Variants in HHAT observed in about 807,000 individuals in gnomAD.
HHAT encodes hedgehog acyltransferase, also known as protein-cysteine N-palmitoyltransferase HHAT.
A neutral mutation model predicts 70.8 loss-of-function variants in HHAT; 47 were observed. That is an observed-to-expected ratio of 0.66 (90% CI 0.53 to 0.85). HHAT has a LOEUF of 0.85. HHAT is among the 40% of genes least tolerant of loss of function. The pLI, the probability that HHAT is intolerant of heterozygous loss-of-function variation, is 0.00. For missense variants in HHAT, 609 were observed against 604.8 expected (o/e 1.01, Z -0.07); for synonymous variants, 228 against 247.6 (o/e 0.92, Z 0.74).
intron 7 of HHAT, among the ~76,000 whole-genome samples, chr1:210,427,639 G>A (rs1354525632): frequency 2.0e-5 from 3 of 152,082 alleles, no homozygotes; most frequent in African/African-American, 7.2e-5. Context: ...GCCTTGATTA[G>A]TAATTTGATA....
chr1:210,544,420 G>A (rs928334578), intron 9 of HHAT, among the ~76,000 whole-genome samples: 9 of 142,608 alleles, frequency 6.3e-5, no homozygotes, highest in African/African-American at 2.1e-4. Context: ...TTGCCCAAGC[G>A]GGAGTGCAAG....
In HHAT at chr1:210,588,054, TGG is replaced by T. The variant is rs1483051968; in HGVS notation, c.1201_1202del (p.Gly401SerfsTer50). The T allele has an allele frequency of 6.2e-7, 1 of 1,613,308 alleles. No individual in the cohort carries two copies. Among genetic ancestry groups the T allele is most frequent in the Non-Finnish European group, 8.5e-7 (1 of 1,179,782 alleles). On this transcript the variant is annotated frameshift_variant, in exon 10 of 12. Coordinates refer to ENST00000261458, the MANE Select transcript of HHAT (RefSeq NM_018194.6). LOFTEE classifies it high-confidence loss of function. ...LNWLGVTVEN[G>X]VRRLVETPCI... is the part of the protein sequence containing the mutation. ...ACTGGCTGGGAGTCACTGTGGAGAATGGAGTCCGGAGGCTGGTGGAGACTCCC... is the reference window on the plus strand; with the variant it reads ...ACTGGCTGGGAGTCACTGTGGAGAATAGTCCGGAGGCTGGTGGAGACTCCC...
chr1:210,572,941 T>C (rs897723419), intron 9 of HHAT, among the ~76,000 whole-genome samples: 1 of 152,122 alleles, frequency 6.6e-6, no homozygotes, highest in African/African-American at 2.4e-5. Flanking sequence ...CATTTTAATT[T>C]TGGTTAAAAG....
intron 10 of HHAT, among the ~76,000 whole-genome samples, chr1:210,592,791 T>C (rs1275851194): frequency 6.6e-6 from 1 of 152,126 alleles, no homozygotes; most frequent in Non-Finnish European, 1.5e-5. Flanking sequence ...TCATAGCTAT[T>C]ATAATTGGGA....
At chr1:210,583,214 C>T (rs910970829) in intron 9 of HHAT, among the ~76,000 whole-genome samples, 1 of 152,212 alleles carries the variant, frequency 6.6e-6, no homozygotes, top group Admixed American at 6.5e-5. Flanking sequence ...ATAGATTCCT[C>T]CTCCTGAGTT....
chr1:210,575,136 C>T (rs2490220), intron 9 of HHAT, among the ~76,000 whole-genome samples: 53,793 of 152,008 alleles, frequency 0.35, 10,838 homozygotes, highest in East Asian at 0.64. Flanking sequence ...GGCTCTTTCC[C>T]CTACCTCTTC....
At chr1:210,573,433 G>A (rs937955345) in intron 9 of HHAT, among the ~76,000 whole-genome samples, 4 of 152,130 alleles carry the variant, frequency 2.6e-5, no homozygotes, top group African/African-American at 9.7e-5. Flanking sequence ...GTTAACCCAA[G>A]TAATCCAGCA....
intron 10 of HHAT, among the ~76,000 whole-genome samples, chr1:210,620,746 T>C (rs1668654164): frequency 6.6e-6 from 1 of 152,212 alleles, no homozygotes; most frequent in South Asian, 2.1e-4. Context: ...TTAACATTCT[T>C]GCTTATTTAA....
At chr1:210,602,395 A>G (rs1226237075) in intron 10 of HHAT, among the ~76,000 whole-genome samples, 1 of 152,158 alleles carries the variant, frequency 6.6e-6, no homozygotes, top group Non-Finnish European at 1.5e-5. Context: ...CCAAGGCTTG[A>G]ATAGCACACT....
At chr1:210,620,706 C>A (rs184227582) in intron 10 of HHAT, among the ~76,000 whole-genome samples, 70 of 152,244 alleles carry the variant, frequency 4.6e-4, no homozygotes, top group African/African-American at 1.5e-3. Context: ...TCCTTTAAAT[C>A]CTTTTAGTTT....
chr1:210,478,121 G>T (rs2094333706), intron 8 of HHAT, among the ~76,000 whole-genome samples: 1 of 152,228 alleles, frequency 6.6e-6, no homozygotes, highest in Non-Finnish European at 1.5e-5. Context: ...AGAGTGGGAT[G>T]TGGTATATTT....
intron 10 of HHAT, among the ~76,000 whole-genome samples, chr1:210,610,747 C>G (rs1405784961): frequency 6.6e-6 from 1 of 152,102 alleles, no homozygotes; most frequent in Non-Finnish European, 1.5e-5. Context: ...GCCAGTTCTC[C>G]CAGCACCATT....
chr1:210,420,445 C>T (rs763035442), intron 7 of HHAT, among the ~76,000 whole-genome samples: 2 of 152,048 alleles, frequency 1.3e-5, no homozygotes, highest in Non-Finnish European at 2.9e-5. Flanking sequence ...CATATAATGC[C>T]ATTTCTGTGT....
intron 11 of HHAT, among the ~76,000 whole-genome samples, chr1:210,638,356 G>A (rs775893792): frequency 6.6e-6 from 1 of 152,172 alleles, no homozygotes; most frequent in Non-Finnish European, 1.5e-5. Flanking sequence ...AAAGAGAAAT[G>A]AAGTACTGAT....
chr1:210,592,974 C>T (rs932139485), intron 10 of HHAT, among the ~76,000 whole-genome samples: 1 of 151,552 alleles, frequency 6.6e-6, no homozygotes, highest in African/African-American at 2.4e-5. Flanking sequence ...TGGTGTGCTG[C>T]ACCCATTAAC....
chr1:210,440,955 G>A (rs1049271715), intron 7 of HHAT, among the ~76,000 whole-genome samples: 3 of 152,172 alleles, frequency 2.0e-5, no homozygotes, highest in African/African-American at 7.2e-5. Flanking sequence ...AGGAAAATGA[G>A]TAGCTCATAG....
chr1:210,439,674 T>C (rs1008973374), intron 7 of HHAT: 4 of 151,892 alleles, frequency 2.6e-5, no homozygotes, highest in African/African-American at 9.7e-5. Flanking sequence ...CAGTGAGGCG[T>C]GATGAGCAGG....
At chr1:210,377,537 G>C (rs917073257) in intron 3 of HHAT, among the ~76,000 whole-genome samples, 2 of 152,188 alleles carry the variant, frequency 1.3e-5, no homozygotes, top group East Asian at 1.9e-4. Flanking sequence ...AAACCGAATA[G>C]ACTCTGCAGT....
chr1:210,623,433 G>C, intron 10 of HHAT, 93 bp from the exon 11 acceptor site: 2 of 1,447,940 alleles, frequency 1.4e-6, no homozygotes, highest in South Asian at 1.2e-5. Flanking sequence ...GTGGGGAGGC[G>C]TCCTGGGCTG....
Sources: allele counts gnomAD v4.1 joint callset (sites outside exome capture counted in the v4.1 genomes callset), GRCh38; gene constraint gnomAD v4.1.1; transcripts MANE v1.5; gene names NCBI Gene and HGNC (gene_info 2026-07-23, HGNC 2026-07-21).